The following TOP3B variants were observed in gnomAD, a reference collection of about 807,000 sequenced individuals.
The protein encoded by TOP3B is DNA topoisomerase III beta.
TOP3B carries 45 observed loss-of-function variants against 93.9 expected under a neutral mutation model. The ratio of observed to expected loss-of-function variants is 0.48; its 90% confidence interval spans 0.38 to 0.61. The LOEUF (loss-of-function observed/expected upper bound fraction) is 0.61. Among genes scored for constraint, TOP3B ranks in the 20% least tolerant of loss-of-function variants. The probability of loss-of-function intolerance (pLI) is 0.00; values close to 1 mark genes in which losing one functional copy is unlikely to be tolerated. For synonymous variants in TOP3B, 357 were observed against 472.6 expected, an observed-to-expected ratio of 0.76 and a Z score of 3.17; for missense variants, 750 against 1,156.1, an observed-to-expected ratio of 0.65 and a Z score of 5.09.
At chr22:21,981,755 C>T (rs2084636588) in intron 1 of TOP3B, among the ~76,000 whole-genome samples, 1 of 152,042 alleles carries the variant, frequency 6.6e-6, no homozygotes, top group South Asian at 2.1e-4. Context: ...GAGATCGCGC[C>T]ACTGCACTCC....
Position 21,970,007 on chromosome 22 carries a change from C to A in TOP3B, c.581+203G>T. ...CTGGTCTCAAACTGCCAACCTCAAGCAATCCTCCTATCCTGGTCTCCCAAA... is the reference window on the plus strand; with the variant it reads ...CTGGTCTCAAACTGCCAACCTCAAGAAATCCTCCTATCCTGGTCTCCCAAA... On this transcript the variant is annotated intron_variant, in intron 6 of 17. Transcript: ENST00000357179. The surrounding 1 kb of genome is among the most constrained non-coding windows in gnomAD (Gnocchi z 4.4). 2.0e-6 allele frequency: 1 copy of A among 508,346 alleles called. No individual in the cohort carries two copies. The highest frequency in any genetic ancestry group is 3.5e-6 in the Non-Finnish European group (1 of 288,814). 31.5% of individuals were successfully genotyped at this position (508,346 alleles called of 1,614,324 possible). A position where few individuals can be genotyped will look rare whatever the true frequency, so the allele number is the denominator to read the frequency against.
chr22:21,980,987 A>C (rs1452783428), intron 1 of TOP3B, among the ~76,000 whole-genome samples: 1 of 152,198 alleles, frequency 6.6e-6, no homozygotes, highest in Non-Finnish European at 1.5e-5. Context: ...AGAGGCCCAG[A>C]AGTGAGGTTT....
intron 7 of TOP3B, 103 bp from the exon 8 acceptor site, chr22:21,967,819 C>T: frequency 1.2e-6 from 1 of 860,268 alleles, no homozygotes; most frequent in Non-Finnish European, 1.9e-6. Context: ...TGTCTGGGAG[C>T]CAAATAGCCC....
Position 21,968,745 on chromosome 22 carries a change from G to GT in TOP3B, c.611dup (p.Tyr204Ter), listed in dbSNP as rs1569151307. ...RFQTKYFQGK[Y>*]GDLDSSLISF... ...AGATGAGAGAGCTGTCTAAATCACCGTATTTCCCCTGGAAATATTTAGTCT... is the reference window on the plus strand; with the variant it reads ...AGATGAGAGAGCTGTCTAAATCACCGTTATTTCCCCTGGAAATATTTAGTCT... The change falls in exon 7 of 18, where the codon TAC (tyrosine) becomes TAAC (stop). Residue 204 changes from tyrosine (Y) to a stop codon, truncating the protein, a stop_gained and frameshift_variant. Coordinates refer to ENST00000357179, the MANE Select transcript of TOP3B (RefSeq NM_001282112.2). LOFTEE classifies it high-confidence loss of function. The GT allele has an allele frequency of 6.2e-7, 1 of 1,614,162 alleles. No individual in the cohort carries two copies. Among genetic ancestry groups the GT allele is most frequent in the Non-Finnish European group, 8.5e-7 (1 of 1,180,034 alleles).
chr22:21,965,472 G>A, intron 8 of TOP3B, 97 bp from the exon 9 acceptor site: 1 of 620,534 alleles, frequency 1.6e-6, no homozygotes. Context: ...TCATTCATCT[G>A]GTCTCCCTGT....
At chr22:21,977,703 G>A (rs2071937045) in intron 1 of TOP3B, 1 of 152,184 alleles carries the variant, frequency 6.6e-6, no homozygotes. Flanking sequence ...GCATGGGGAA[G>A]TTAAATGGGA....
chr22:21,976,341 C>T (rs990859990), intron 1 of TOP3B: 4 of 152,294 alleles, frequency 2.6e-5, no homozygotes, highest in African/African-American at 9.6e-5. Context: ...GCTAGTCGGT[C>T]CAGCCCCAAG....
intron 13 of TOP3B, 197 bp from the exon 14 acceptor site, chr22:21,960,646 GA>G (rs1225246331): frequency 1.4e-6 from 1 of 702,694 alleles, no homozygotes; most frequent in Admixed American, 2.8e-5. Flanking sequence ...TCTGCCTTGA[GA>G]ACACAAGGGC....
chr22:21,972,836 T>G (rs117973430), intron 3 of TOP3B, 118 bp from the exon 4 acceptor site: 1 of 836,034 alleles, frequency 1.2e-6, no homozygotes, highest in East Asian at 2.6e-5. Flanking sequence ...GGAGAACAAT[T>G]TGCCCAGGGT....
chr22:21,960,479 G>A (rs777037728), intron 13 of TOP3B, 30 bp from the exon 14 acceptor site: 2 of 1,611,670 alleles, frequency 1.2e-6, no homozygotes, highest in Non-Finnish European at 8.5e-7. Flanking sequence ...AGGGTTCCTG[G>A]CCTGCCTTGG....
chr22:21,968,848 G>A (rs2071519232), intron 6 of TOP3B, 73 bp from the exon 7 acceptor site: 1 of 1,549,920 alleles, frequency 6.5e-7, no homozygotes, highest in Admixed American at 1.7e-5. Flanking sequence ...TGTGAGTCCA[G>A]CCCAAGGCCA....
chr22:21,978,567 C>T (rs1395778855), intron 1 of TOP3B, among the ~76,000 whole-genome samples: 1 of 152,086 alleles, frequency 6.6e-6, no homozygotes, highest in Non-Finnish European at 1.5e-5. Flanking sequence ...GGAAGGAGCC[C>T]AGGCTGGGGG....
At chr22:21,959,083 G>T in intron 16 of TOP3B, 49 bp downstream of exon 16, 1 of 1,602,288 alleles carries the variant, frequency 6.2e-7, no homozygotes, top group Non-Finnish European at 8.5e-7. Flanking sequence ...TAAAGCTGAG[G>T]CCTACAGGGG....
At chr22:21,976,663 C>T (rs1000062436) in intron 1 of TOP3B, 20 of 152,228 alleles carry the variant, frequency 1.3e-4, no homozygotes, top group African/African-American at 4.1e-4. Flanking sequence ...GCGACTACTT[C>T]ACCCCCAAAA....
At chr22:21,979,272 C>T (rs1034460892) in intron 1 of TOP3B, among the ~76,000 whole-genome samples, 2 of 151,824 alleles carry the variant, frequency 1.3e-5, no homozygotes, top group African/African-American at 4.8e-5. Context: ...CTGTGGGGTC[C>T]AGGAAGTGAG....
Position 21,970,604 on chromosome 22 carries a change from G to A in TOP3B, c.385-198C>T. On this transcript the variant is annotated intron_variant, in intron 5 of 17. Transcript: ENST00000357179. The surrounding 1 kb of genome is among the most constrained non-coding windows in gnomAD (Gnocchi z 4.4). ...ATCCCCCTGCCTTTCCAGAAGCCCT[G>A]AGCACTCCACAACACCCCACCACAT... is the stretch of plus-strand genomic sequence containing the variant. 1 of 614,158 alleles carries A rather than the reference G, an allele frequency of 1.6e-6. No individual in the cohort carries two copies. Among genetic ancestry groups the A allele is most frequent in the Non-Finnish European group, 2.9e-6 (1 of 350,232 alleles). 38.0% of individuals were successfully genotyped at this position (614,158 alleles called of 1,614,324 possible).
At chr22:21,960,471 G>C (rs746478801) in intron 13 of TOP3B, 22 bp from the exon 14 acceptor site, 6 of 1,612,474 alleles carry the variant, frequency 3.7e-6, no homozygotes, top group Non-Finnish European at 4.2e-6. Flanking sequence ...AAGGCCCCAG[G>C]GTTCCTGGCC....
At chr22:21,978,510 C>G (rs1218572895) in intron 1 of TOP3B, among the ~76,000 whole-genome samples, 2 of 152,186 alleles carry the variant, frequency 1.3e-5, no homozygotes, top group East Asian at 3.9e-4. Flanking sequence ...TAAACGGGAC[C>G]TGCCCATTGG....
At chr22:21,959,097 G>C in intron 16 of TOP3B, 35 bp downstream of exon 16, 5 of 1,611,298 alleles carry the variant, frequency 3.1e-6, no homozygotes, top group Non-Finnish European at 3.4e-6. Context: ...ACAGGGGTGA[G>C]GCAGCTTGCC....
Sources: gnomAD v4.1 joint callset for allele counts (sites outside exome capture counted in the v4.1 genomes callset) on GRCh38, gnomAD v4.1.1 for gene constraint, Gnocchi (gnomAD v3.1) non-coding constraint, MANE v1.5 for transcripts, NCBI Gene and HGNC (gene_info 2026-07-23, HGNC 2026-07-21) for gene names.